BTN2A1: variants seen among roughly 807,000 people sequenced by gnomAD.
BTN2A1 encodes the protein butyrophilin subfamily 2 member A1, also known as butyrophilin, subfamily 2, member A1.
A neutral mutation model predicts 34.5 loss-of-function variants in BTN2A1; 41 were observed. The ratio of observed to expected loss-of-function variants is 1.19; its 90% confidence interval spans 0.93 to 1.54. The LOEUF (loss-of-function observed/expected upper bound fraction) is 1.54. Ranked by LOEUF, BTN2A1 falls within the 40% of genes most tolerant of loss-of-function variation. The pLI is 0.00. For synonymous variants in BTN2A1, 267 were observed against 258.6 expected, an observed-to-expected ratio of 1.03 and a Z score of -0.31; for missense variants, 642 against 662.0, an observed-to-expected ratio of 0.97 and a Z score of 0.33.
chr6:26,469,723 G>T (rs1763416706), downstream of BTN2A1: 1 of 152,138 alleles, frequency 6.6e-6, no homozygotes, highest in South Asian at 2.1e-4. Context: ...TCACTCTGTT[G>T]AGATATCATA....
intron 3 of BTN2A1, 83 bp downstream of exon 3, chr6:26,459,911 G>T: frequency 1.0e-6 from 1 of 953,836 alleles, no homozygotes; most frequent in South Asian, 1.7e-5. Context: ...GCCCATTGCA[G>T]ACCAGCAAAT....
At chr6:26,472,935 T>C (rs1373469439), downstream of BTN2A1, among the ~76,000 whole-genome samples, 1 of 151,948 alleles carries the variant, frequency 6.6e-6, no homozygotes, top group Non-Finnish European at 1.5e-5. Context: ...TTTGTGAGTA[T>C]GCAAAAAAGG....
At chr6:26,459,387 A>G (rs949932396) in intron 2 of BTN2A1, 94 bp from the exon 3 acceptor site, 1 of 1,409,730 alleles carries the variant, frequency 7.1e-7, no homozygotes, top group Non-Finnish European at 9.7e-7. Flanking sequence ...GGCCATGGAA[A>G]AAATAAGTTT....
intron 3 of BTN2A1, among the ~76,000 whole-genome samples, chr6:26,461,812 T>A (rs1428475964): frequency 1.4e-5 from 2 of 147,490 alleles, no homozygotes; most frequent in Non-Finnish European, 3.0e-5. Context: ...AATAAATAAA[T>A]AAAAATAAGC....
chr6:26,474,138 A>G (rs901364760), downstream of BTN2A1, among the ~76,000 whole-genome samples: 1 of 152,252 alleles, frequency 6.6e-6, no homozygotes, highest in Non-Finnish European at 1.5e-5. Flanking sequence ...TTAAATAATG[A>G]ACTGCAACCT....
At chr6:26,472,133 C>T (rs781134421), downstream of BTN2A1, among the ~76,000 whole-genome samples, 1 of 152,164 alleles carries the variant, frequency 6.6e-6, no homozygotes, top group Admixed American at 6.5e-5. Flanking sequence ...TAGCATGTGG[C>T]TTGCATCTTC....
chr6:26,463,207 C>T, intron 3 of BTN2A1, 37 bp from the exon 4 acceptor site: 1 of 1,535,694 alleles, frequency 6.5e-7, no homozygotes, highest in South Asian at 1.3e-5. Flanking sequence ...ATGCAAAAGG[C>T]ACTGACTTTT....
chr6:26,461,846 T>A (rs1763173878), intron 3 of BTN2A1, among the ~76,000 whole-genome samples: 1 of 148,396 alleles, frequency 6.7e-6, no homozygotes, highest in African/African-American at 2.5e-5. Context: ...CAAAATCCAG[T>A]CTCTACAAAA....
chr6:26,465,134 C>T (rs745777824), intron 4 of BTN2A1, 51 bp from the exon 5 acceptor site: 1 of 1,525,134 alleles, frequency 6.6e-7, no homozygotes. Context: ...GGCACTCTTA[C>T]CCCAGATGTT....
intron 3 of BTN2A1, chr6:26,462,719 G>C: frequency 4.1e-6 from 4 of 984,474 alleles, no homozygotes; most frequent in Non-Finnish European, 5.6e-6. Context: ...AGACAGAAGG[G>C]TCAATGTCTT....
Position 26,463,411 on chromosome 6 carries a change from C to G in BTN2A1, c.598C>G (p.Leu200Val). ...GGTCTCCATGCCTGATGCAGACGGC[C>G]TCTTCATGGTCACCACGGCTGTGAT... Reference protein sequence around the residue: ...KEVSMPDADGLFMVTTAVIIR... With the variant: ...KEVSMPDADGVFMVTTAVIIR... The change falls in exon 4 of 8, where the codon CTC (leucine) becomes GTC (valine). Residue 200 changes from leucine to valine, a missense_variant. Transcript: ENST00000312541. 3.1e-6 allele frequency: 5 copies of G among 1,614,142 alleles called. No individual in the cohort carries two copies. Among genetic ancestry groups the G allele is most frequent in the Admixed American group, 3.3e-5 (2 of 60,036 alleles).
At chr6:26,461,686 G>C (rs1396341558) in intron 3 of BTN2A1, among the ~76,000 whole-genome samples, 2 of 152,118 alleles carry the variant, frequency 1.3e-5, no homozygotes, top group Non-Finnish European at 2.9e-5. Context: ...GGGAGGCTGA[G>C]GCCAGAGAAT....
chr6:26,463,277 G>T lies in BTN2A1; in HGVS notation c.464G>T (p.Gly155Val), dbSNP rs753158000. 8 of 1,612,052 alleles carry T rather than the reference G, an allele frequency of 5.0e-6. No individual in the cohort carries two copies. The East Asian group carries it at 1.8e-4, about 36-fold the overall frequency. Residue 155 changes from glycine to valine, a missense_variant, in exon 4 of 8, where the codon GGC (glycine) becomes GTC (valine). Physicochemically the swap from Gly to Val is moderately radical, Grantham distance 109. Coordinates refer to ENST00000312541, the MANE Select transcript of BTN2A1 (RefSeq NM_007049.5). ...TCTAAGCCCCTCATTTCAATGAGGG[G>T]CCATGAAGACGGGGGCATCCGGCTG... ...LGSKPLISMR[G>V]HEDGGIRLEC...
intron 3 of BTN2A1, chr6:26,462,876 G>C (rs1187427503): frequency 7.0e-6 from 9 of 1,279,648 alleles, no homozygotes; most frequent in African/African-American, 3.0e-5. Flanking sequence ...TTTGAAGTTG[G>C]AGTCGACACA....
Position 26,466,097 on chromosome 6 carries a change from C to T in BTN2A1, c.982+9C>T. The T allele has an allele frequency of 6.2e-7, 1 of 1,613,414 alleles. No homozygotes were observed. The highest frequency in any genetic ancestry group is 8.5e-7 in the Non-Finnish European group (1 of 1,180,016). ...AACATTCTTACATGCTGGTGAGTGCCTCTGATGTTCCCTCAGATCTCAGCT... is the reference window on the plus strand; with the variant it reads ...AACATTCTTACATGCTGGTGAGTGCTTCTGATGTTCCCTCAGATCTCAGCT... On this transcript the variant is annotated intron_variant, in intron 7 of 7. Transcript: ENST00000312541.
chr6:26,463,030 C>A, intron 3 of BTN2A1: 1 of 932,464 alleles, frequency 1.1e-6, no homozygotes, highest in Non-Finnish European at 1.5e-6. Flanking sequence ...TCTTAGAGAG[C>A]TCACAGTTTA....
chr6:26,465,448 G>A (rs995999029), intron 5 of BTN2A1, 42 bp downstream of exon 5: 2 of 1,588,238 alleles, frequency 1.3e-6, no homozygotes, highest in Non-Finnish European at 1.7e-6. Context: ...TTGAATCCCA[G>A]CACTGTGGGA....
chr6:26,465,143 TTC>T (rs780341298), intron 4 of BTN2A1, 40 bp from the exon 5 acceptor site: 6 of 1,562,086 alleles, frequency 3.8e-6, no homozygotes, highest in Non-Finnish European at 5.3e-6. Context: ...ACCCCAGATG[TTC>T]TGTTTCAAAC....
At chr6:26,464,811 A>AG (rs1243125414) in intron 4 of BTN2A1, among the ~76,000 whole-genome samples, 2 of 152,336 alleles carry the variant, frequency 1.3e-5, no homozygotes, top group African/African-American at 4.8e-5. Context: ...TATCATGATC[A>AG]CACTAGGGCT....
Sources: gnomAD v4.1 joint callset for allele counts (sites outside exome capture counted in the v4.1 genomes callset) on GRCh38, gnomAD v4.1.1 for gene constraint, MANE v1.5 for transcripts, NCBI Gene and HGNC (gene_info 2026-07-23, HGNC 2026-07-21) for gene names.